The following ITPR2 variants were observed in gnomAD, a reference collection of about 807,000 sequenced individuals.
ITPR2 encodes inositol 1,4,5-trisphosphate receptor type 2, also known as inositol 1,4,5-trisphosphate-gated calcium channel ITPR2.
In ITPR2, 207 loss-of-function variants were observed where a neutral mutation model predicts 317.1. That is an observed-to-expected ratio of 0.65 (90% CI 0.58 to 0.73). ITPR2 has a LOEUF of 0.73. Ranked by LOEUF, ITPR2 falls within the 30% of genes least tolerant of loss-of-function variation. The pLI, the probability that ITPR2 is intolerant of heterozygous loss-of-function variation, is 0.00. For synonymous variants in ITPR2, 1,156 were observed against 1,149.1 expected (o/e 1.01, Z -0.12); for missense variants, 2,613 against 3,284.0 (o/e 0.80, Z 4.99).
intron 45 of ITPR2, among the ~76,000 whole-genome samples, chr12:26,450,910 C>T (rs1346333934): frequency 6.6e-6 from 1 of 152,006 alleles, no homozygotes; most frequent in African/African-American, 2.4e-5. Flanking sequence ...CAGATGAAAG[C>T]CCTTATACCC....
intron 26 of ITPR2, among the ~76,000 whole-genome samples, chr12:26,616,189 G>A (rs533875238): frequency 3.3e-5 from 5 of 151,944 alleles, no homozygotes; most frequent in Admixed American, 6.5e-5. Flanking sequence ...CCAAGCTGGA[G>A]TGCAGTGGTG....
chr12:26,533,292 C>T (rs759612962), intron 37 of ITPR2, among the ~76,000 whole-genome samples: 13 of 152,200 alleles, frequency 8.5e-5, no homozygotes, highest in East Asian at 1.9e-4. Flanking sequence ...TCAACCTTAA[C>T]CTAAGATAGG....
chr12:26,515,017 T>C (rs1461624383), intron 37 of ITPR2, among the ~76,000 whole-genome samples: 1 of 152,162 alleles, frequency 6.6e-6, no homozygotes, highest in Non-Finnish European at 1.5e-5. Context: ...AAATTCCAGG[T>C]AGTTTAACAA....
chr12:26,446,176 G>A (rs1941606372), intron 45 of ITPR2, among the ~76,000 whole-genome samples: 1 of 152,128 alleles, frequency 6.6e-6, no homozygotes, highest in African/African-American at 2.4e-5. Flanking sequence ...AAAATAGCTA[G>A]GGAAAGTACA....
intron 37 of ITPR2, among the ~76,000 whole-genome samples, chr12:26,526,073 T>C (rs992860258): frequency 6.6e-6 from 1 of 152,222 alleles, no homozygotes; most frequent in Non-Finnish European, 1.5e-5. Flanking sequence ...CCTTTCTTTC[T>C]CCTCTGCTTA....
At chr12:26,742,761 C>G (rs186866084) in intron 2 of ITPR2, among the ~76,000 whole-genome samples, 1 of 150,776 alleles carries the variant, frequency 6.6e-6, no homozygotes. Context: ...TGCAGTGAGC[C>G]GAGATCATAC....
intron 10 of ITPR2, among the ~76,000 whole-genome samples, chr12:26,692,296 A>G (rs1298546931): frequency 6.6e-6 from 1 of 152,190 alleles, no homozygotes; most frequent in East Asian, 1.9e-4. Context: ...AGTTGCCACA[A>G]TCAGGGACCT....
intron 34 of ITPR2, among the ~76,000 whole-genome samples, chr12:26,566,149 GAGAA>G (rs1944976172): frequency 7.6e-6 from 1 of 131,528 alleles, no homozygotes; most frequent in Non-Finnish European, 1.6e-5. Context: ...GAGAGGAAAG[GAGAA>G]GGAGAGGAAA....
intron 8 of ITPR2, among the ~76,000 whole-genome samples, chr12:26,712,423 G>GA (rs1242108457): frequency 6.6e-6 from 1 of 152,150 alleles, no homozygotes; most frequent in Non-Finnish European, 1.5e-5. Context: ...TAATAATTAT[G>GA]AAAATACTTC....
chr12:26,557,991 C>T (rs1410973080), intron 35 of ITPR2, among the ~76,000 whole-genome samples: 5 of 152,044 alleles, frequency 3.3e-5, no homozygotes, highest in Admixed American at 3.3e-4. Context: ...GGGATGTCAC[C>T]CTCTTGATTT....
At chr12:26,433,007 G>A (rs1490761773) in intron 48 of ITPR2, among the ~76,000 whole-genome samples, 1 of 152,176 alleles carries the variant, frequency 6.6e-6, no homozygotes, top group South Asian at 2.1e-4. Flanking sequence ...TCCTTCTCCA[G>A]ACAATTCTGA....
At chr12:26,668,734 T>C (rs141682121) in intron 13 of ITPR2, among the ~76,000 whole-genome samples, 18 of 151,430 alleles carry the variant, frequency 1.2e-4, no homozygotes, top group African/African-American at 4.4e-4. Context: ...TTCAAAGAGA[T>C]AAACAAAGCA....
rs571850560 is a variant in ITPR2 at position 26,595,270 on chromosome 12, A to G, written c.4380+195T>C. 3.3e-5 allele frequency among the ~76,000 whole-genome samples: 5 copies of G among 152,344 alleles called. No individual in the cohort carries two copies. The East Asian group carries it at 7.7e-4, about 23-fold the overall frequency. ...GAACACTTTACCTATTGTCATCTAC[A>G]ATGTACTAAGTATTTTGTGTATATA... is the stretch of plus-strand genomic sequence containing the variant. On this transcript the variant is annotated intron_variant, in intron 32 of 56. Transcript: ENST00000381340.
intron 37 of ITPR2, among the ~76,000 whole-genome samples, chr12:26,528,116 T>C (rs1263775816): frequency 1.3e-5 from 2 of 152,100 alleles, no homozygotes; most frequent in Non-Finnish European, 2.9e-5. Context: ...TGCCGTTAGG[T>C]TGGGGGGAAA....
At chr12:26,764,705 AAAC>A (rs1270600807) in intron 2 of ITPR2, among the ~76,000 whole-genome samples, 1 of 127,372 alleles carries the variant, frequency 7.9e-6, no homozygotes, top group East Asian at 2.0e-4. Flanking sequence ...TAAAGCCCAT[AAAC>A]AACAACAACA....
intron 37 of ITPR2, among the ~76,000 whole-genome samples, chr12:26,516,790 C>T (rs183778633): frequency 2.0e-5 from 3 of 151,364 alleles, no homozygotes; most frequent in Admixed American, 2.0e-4. Flanking sequence ...CAAATAAGCT[C>T]GACACTACAG....
intron 21 of ITPR2, among the ~76,000 whole-genome samples, chr12:26,643,774 A>G (rs1338325127): frequency 6.6e-6 from 1 of 152,234 alleles, no homozygotes; most frequent in African/African-American, 2.4e-5. Context: ...ATGTAAGCAA[A>G]GTGTTGACAG....
intron 26 of ITPR2, among the ~76,000 whole-genome samples, chr12:26,603,248 A>C (rs1946045851): frequency 6.6e-6 from 1 of 152,250 alleles, no homozygotes; most frequent in Non-Finnish European, 1.5e-5. Context: ...CAGAACCATG[A>C]AAATGAAGAG....
At chr12:26,506,665 A>C (rs1943195165) in intron 37 of ITPR2, among the ~76,000 whole-genome samples, 1 of 152,220 alleles carries the variant, frequency 6.6e-6, no homozygotes, top group East Asian at 1.9e-4. Context: ...CTGAAAGATT[A>C]GAAGGTAAAA....
Sources: allele counts gnomAD v4.1 joint callset (sites outside exome capture counted in the v4.1 genomes callset), GRCh38; gene constraint gnomAD v4.1.1; transcripts MANE v1.5; gene names NCBI Gene and HGNC (gene_info 2026-07-23, HGNC 2026-07-21).